Variants in SLC4A10 observed in about 807,000 individuals in gnomAD.
The protein encoded by SLC4A10 is sodium-driven chloride bicarbonate exchanger.
SLC4A10 carries 42 observed loss-of-function variants against 137.7 expected under a neutral mutation model. The ratio of observed to expected loss-of-function variants is 0.30; its 90% CI spans 0.24 to 0.39. The LOEUF (loss-of-function observed/expected upper bound fraction) is 0.39, where lower values mean the gene tolerates loss of function less well. Among genes scored for constraint, SLC4A10 ranks in the 10% least tolerant of loss-of-function variants. The probability of loss-of-function intolerance (pLI) is 1.00; values close to 1 mark genes in which losing one functional copy is unlikely to be tolerated. For synonymous variants in SLC4A10, 474 were observed against 464.1 expected (o/e 1.02, Z -0.27); for missense variants, 925 against 1,355.0 (o/e 0.68, Z 4.98).
intron 1 of SLC4A10, among the ~76,000 whole-genome samples, chr2:161,634,301 G>A (rs1441229702): frequency 1.3e-5 from 2 of 151,746 alleles, no homozygotes; most frequent in African/African-American, 2.4e-5. Context: ...GTGATGTTCC[G>A]TTTTCCTTTC....
chr2:161,734,552 G>A (rs1167394949), intron 1 of SLC4A10, among the ~76,000 whole-genome samples: 4 of 151,876 alleles, frequency 2.6e-5, no homozygotes, highest in Non-Finnish European at 5.9e-5. Context: ...GCATGAAAAT[G>A]AACTAATACA....
intron 11 of SLC4A10, among the ~76,000 whole-genome samples, chr2:161,896,229 T>C (rs1417336780): frequency 6.8e-4 from 103 of 151,960 alleles, no homozygotes; most frequent in African/African-American, 2.2e-3. Flanking sequence ...GTTGTAGATA[T>C]GCAGCGTTAT....
At chr2:161,811,243 T>C (rs2056523036) in intron 3 of SLC4A10, among the ~76,000 whole-genome samples, 1 of 152,008 alleles carries the variant, frequency 6.6e-6, no homozygotes, top group African/African-American at 2.4e-5. Flanking sequence ...TTGTGCTTAT[T>C]TGGGTCTTCT....
chr2:161,917,336 T>A (rs1182207585), intron 15 of SLC4A10, among the ~76,000 whole-genome samples: 1 of 152,164 alleles, frequency 6.6e-6, no homozygotes, highest in East Asian at 1.9e-4. Context: ...TTATTTGGAC[T>A]GTTTTAACTT....
intron 5 of SLC4A10, among the ~76,000 whole-genome samples, chr2:161,858,744 A>G (rs1257450798): frequency 6.6e-6 from 1 of 152,150 alleles, no homozygotes; most frequent in African/African-American, 2.4e-5. Flanking sequence ...AATTCTGTCA[A>G]TGAGAGTTAG....
At chr2:161,654,342 T>C (rs1278077520) in intron 1 of SLC4A10, among the ~76,000 whole-genome samples, 2 of 152,212 alleles carry the variant, frequency 1.3e-5, no homozygotes, top group South Asian at 2.1e-4. Flanking sequence ...GTTTTCACTC[T>C]GTGGAGCCTT....
intron 6 of SLC4A10, among the ~76,000 whole-genome samples, chr2:161,869,890 A>G (rs1353529108): frequency 6.6e-6 from 1 of 151,462 alleles, no homozygotes; most frequent in Non-Finnish European, 1.5e-5. Context: ...AGTAGTTTTT[A>G]TGGCTTTTTA....
intron 1 of SLC4A10, among the ~76,000 whole-genome samples, chr2:161,686,583 T>G (rs568523782): frequency 6.6e-5 from 10 of 152,250 alleles, no homozygotes; most frequent in East Asian, 1.9e-4. Context: ...AAACAAATAA[T>G]CAGAAGTCTG....
intron 4 of SLC4A10, among the ~76,000 whole-genome samples, chr2:161,848,338 C>T (rs116044862): frequency 0.016 from 2,414 of 152,090 alleles, 66 homozygotes; most frequent in African/African-American, 0.055. Flanking sequence ...AGGTTGTTTA[C>T]TCTGTTGATA....
chr2:161,969,293 C>T (rs1365583088), intron 23 of SLC4A10, among the ~76,000 whole-genome samples: 1 of 152,122 alleles, frequency 6.6e-6, no homozygotes, highest in Non-Finnish European at 1.5e-5. Context: ...AGTCCAAGGT[C>T]GCAGAGCTTC....
rs1344473288 is a variant in SLC4A10, at chr2:161,874,010, G to A, written c.948+5G>A. 6.3e-6 allele frequency: 10 copies of A among 1,580,470 alleles called. No homozygotes were observed. Among genetic ancestry groups the A allele is most frequent in the Non-Finnish European group, 7.7e-6 (9 of 1,170,536 alleles). The stretch of plus-strand genomic sequence containing the variant: ...CCACACCAGCAAGAGAGAGAGGTGA[G>A]GGCATACTCGGGCTCTATTTCTACA... On this transcript the variant is annotated splice_donor_5th_base_variant and intron_variant, in intron 8 of 26. Coordinates refer to ENST00000446997, the MANE Select transcript of SLC4A10 (RefSeq NM_001178015.2).
chr2:161,832,366 G>A (rs974931680), intron 3 of SLC4A10, among the ~76,000 whole-genome samples: 1 of 152,118 alleles, frequency 6.6e-6, no homozygotes, highest in Admixed American at 6.6e-5. Context: ...TGGCAGTTTT[G>A]GCAGTGAGGA....
rs549220576 is a variant in SLC4A10, at chr2:161,884,181, T to G, written c.1194+1737T>G. 5.3e-5 allele frequency among the ~76,000 whole-genome samples: 8 copies of G among 152,294 alleles called. No individual in the cohort carries two copies. The South Asian group carries it at 1.7e-3, about 32-fold the overall frequency. On this transcript the variant is annotated intron_variant, in intron 10 of 26. Transcript: ENST00000446997. Reference sequence around the variant, plus strand: ...TTGATTTGTATTGTTATTCTATGATTTAAGTATTATCACTTTCACATACAT... The same window carrying G: ...TTGATTTGTATTGTTATTCTATGATGTAAGTATTATCACTTTCACATACAT...
At chr2:161,721,252 T>C (rs151262612) in intron 1 of SLC4A10, among the ~76,000 whole-genome samples, 1 of 152,336 alleles carries the variant, frequency 6.6e-6, no homozygotes, top group African/African-American at 2.4e-5. Context: ...TTTGTAGATT[T>C]GTTAGTGTAG....
intron 23 of SLC4A10, among the ~76,000 whole-genome samples, chr2:161,971,043 G>A (rs956698700): frequency 2.0e-5 from 3 of 152,086 alleles, no homozygotes; most frequent in Admixed American, 2.0e-4. Context: ...CCTTGACTTT[G>A]GTACTTTTCA....
chr2:161,697,756 T>C (rs1043141654), intron 1 of SLC4A10, among the ~76,000 whole-genome samples: 3 of 152,218 alleles, frequency 2.0e-5, no homozygotes, highest in Non-Finnish European at 4.4e-5. Flanking sequence ...TCCAGCTTTG[T>C]TCTTTTGGTT....
chr2:161,629,808 T>G (rs923731112), intron 1 of SLC4A10, among the ~76,000 whole-genome samples: 4 of 151,868 alleles, frequency 2.6e-5, no homozygotes, highest in African/African-American at 9.7e-5. Flanking sequence ...GTACATAGCC[T>G]TTTCAGATTG....
At position 161,832,254 on chromosome 2, in the gene SLC4A10, T is replaced by A. The variant is rs190693822; in HGVS notation, c.278-7535T>A. 1.4e-3 allele frequency among the ~76,000 whole-genome samples: 210 copies of A among 152,332 alleles called. 1 individual carries two copies. Among genetic ancestry groups the A allele is most frequent in the African/African-American group, 4.8e-3 (198 of 41,582 alleles). On this transcript the variant is annotated intron_variant, in intron 3 of 26. Transcript: ENST00000446997. ...GATGATACTCTAGGTACTACTATTC[T>A]GTGCATAATAAACCATCTTTTGTCT...
At chr2:161,898,923 C>T (rs76338327) in intron 11 of SLC4A10, among the ~76,000 whole-genome samples, 2,295 of 152,222 alleles carry the variant, frequency 0.015, 56 homozygotes, top group African/African-American at 0.052. Flanking sequence ...ATCATTCTCA[C>T]TTGATGACTA....
Sources: allele counts gnomAD v4.1 joint callset (sites outside exome capture counted in the v4.1 genomes callset), GRCh38; gene constraint gnomAD v4.1.1; transcripts MANE v1.5; gene names NCBI Gene and HGNC (gene_info 2026-07-23, HGNC 2026-07-21).